The following SAMSN1 variants were observed in gnomAD, a reference collection of about 807,000 sequenced individuals.
The protein encoded by SAMSN1 is SAM domain-containing protein SAMSN-1.
Under a neutral mutation model 42.0 loss-of-function variants are expected in SAMSN1, and 31 were observed. That is an observed-to-expected ratio of 0.74 (90% CI 0.55 to 1.00). SAMSN1 has a LOEUF of 1.00. Among genes scored for constraint, SAMSN1 ranks in the 50% least tolerant of loss-of-function variants. SAMSN1 has a pLI of 0.00. For synonymous variants in SAMSN1, 178 were observed against 151.9 expected (o/e 1.17, Z -1.26); for missense variants, 464 against 439.4 (o/e 1.06, Z -0.50).
At chr21:14,533,343 A>G (rs1979390135) in intron 1 of SAMSN1, among the ~76,000 whole-genome samples, 1 of 152,212 alleles carries the variant, frequency 6.6e-6, no homozygotes, top group African/African-American at 2.4e-5. Context: ...CCATATCACT[A>G]TGTAGATTTT....
At chr21:14,622,003 C>T (rs1983024537) in intron 2 of SAMSN1, among the ~76,000 whole-genome samples, 1 of 152,248 alleles carries the variant, frequency 6.6e-6, no homozygotes, top group Non-Finnish European at 1.5e-5. Flanking sequence ...TGCTAATACC[C>T]AGGCAAACAG....
At chr21:14,490,421 A>G (rs1313727941) in intron 7 of SAMSN1, among the ~76,000 whole-genome samples, 5 of 152,162 alleles carry the variant, frequency 3.3e-5, no homozygotes. Flanking sequence ...TCAAAACCTC[A>G]GTCTCAAGTT....
chr21:14,560,156 C>A (rs1980899927), intron 2 of SAMSN1, among the ~76,000 whole-genome samples: 3 of 151,956 alleles, frequency 2.0e-5, no homozygotes, highest in African/African-American at 7.3e-5. Flanking sequence ...TGTTAATTTG[C>A]CTGGAGAAGT....
At chr21:14,638,157 G>A (rs921951826) in intron 2 of SAMSN1, among the ~76,000 whole-genome samples, 4 of 152,114 alleles carry the variant, frequency 2.6e-5, no homozygotes, top group East Asian at 3.8e-4. Flanking sequence ...CAGATTATAC[G>A]AATCCTTGTG....
chr21:14,599,479 T>C (rs981083418), intron 6 of SAMSN1, among the ~76,000 whole-genome samples: 5 of 152,170 alleles, frequency 3.3e-5, no homozygotes, highest in African/African-American at 1.2e-4. Context: ...TAAACCTCTT[T>C]CCTTTATAAA....
upstream of SAMSN1, among the ~76,000 whole-genome samples, chr21:14,549,428 T>C (rs1370557360): frequency 6.6e-6 from 1 of 152,150 alleles, no homozygotes; most frequent in Non-Finnish European, 1.5e-5. Context: ...GTAGATTCTC[T>C]GCATTGCTCT....
At chr21:14,631,016 G>A (rs1420568460) in intron 2 of SAMSN1, among the ~76,000 whole-genome samples, 4 of 152,134 alleles carry the variant, frequency 2.6e-5, no homozygotes, top group African/African-American at 9.7e-5. Context: ...ACCTTTCAAT[G>A]TGTCCATTTA....
At chr21:14,517,745 ACT>A (rs902409132) in intron 2 of SAMSN1, among the ~76,000 whole-genome samples, 4 of 152,206 alleles carry the variant, frequency 2.6e-5, no homozygotes, top group South Asian at 4.1e-4. Flanking sequence ...AGAATAAAAC[ACT>A]CTGTTCACAG....
chr21:14,534,694 C>T (rs1265950583), intron 1 of SAMSN1, among the ~76,000 whole-genome samples: 2 of 152,006 alleles, frequency 1.3e-5, no homozygotes, highest in Non-Finnish European at 2.9e-5. Context: ...ATTAAATGGA[C>T]ATGTACTACC....
chr21:14,582,504 A>G, intron 1 of SAMSN1: 1 of 901,118 alleles, frequency 1.1e-6, no homozygotes, highest in Non-Finnish European at 1.7e-6. Flanking sequence ...TGACAAAGAA[A>G]TAGGTTAAAA....
At chr21:14,534,136 C>T (rs1023469885) in intron 1 of SAMSN1, among the ~76,000 whole-genome samples, 2 of 152,170 alleles carry the variant, frequency 1.3e-5, no homozygotes, top group African/African-American at 4.8e-5. Flanking sequence ...TTATCAGTGA[C>T]GCATTTACAA....
intron 2 of SAMSN1, among the ~76,000 whole-genome samples, chr21:14,556,741 A>G (rs1412935495): frequency 6.6e-6 from 1 of 152,206 alleles, no homozygotes; most frequent in Non-Finnish European, 1.5e-5. Context: ...TGCATGTGTT[A>G]TTTGTGGGAA....
intron 2 of SAMSN1, among the ~76,000 whole-genome samples, chr21:14,616,852 C>T (rs1982850771): frequency 6.6e-6 from 1 of 152,036 alleles, no homozygotes; most frequent in African/African-American, 2.4e-5. Flanking sequence ...TGAATGGAAA[C>T]CAGAAAAAGG....
chr21:14,644,694 G>T (rs760026696), intron 1 of SAMSN1, among the ~76,000 whole-genome samples: 11 of 152,086 alleles, frequency 7.2e-5, no homozygotes, highest in Non-Finnish European at 1.6e-4. Context: ...CAGCCACATG[G>T]GGGTAGAGCA....
intron 3 of SAMSN1, among the ~76,000 whole-genome samples, chr21:14,615,320 G>GA (rs11401268): frequency 0.67 from 100,975 of 150,378 alleles, 34,146 homozygotes; most frequent in African/African-American, 0.75. Flanking sequence ...GAATAAAAAA[G>GA]AAAAAAAAAG....
chr21:14,577,257 TA>T (rs1981515538), intron 2 of SAMSN1, among the ~76,000 whole-genome samples: 5 of 42,960 alleles, frequency 1.2e-4, no homozygotes, highest in Non-Finnish European at 1.7e-4. Flanking sequence ...TATATATATA[TA>T]TATATATATA....
intron 1 of SAMSN1, among the ~76,000 whole-genome samples, chr21:14,541,146 G>C (rs1979998014): frequency 7.3e-6 from 1 of 136,450 alleles, no homozygotes. Flanking sequence ...TTGGGGGAGG[G>C]GGGAGGGATA....
rs1029907810 is a variant in SAMSN1, at chr21:14,531,370, G to A, written c.58-10149C>T. 1.9e-4 allele frequency among the ~76,000 whole-genome samples: 29 copies of A among 152,040 alleles called. No homozygotes were observed. The East Asian group carries it at 4.8e-3, about 25-fold the overall frequency. ...ATTAAAAGTATAAAAGAGAAATTAT[G>A]TCTATTCAATTTTATCATCAAAGGA... On this transcript the variant is annotated intron_variant, in intron 1 of 7. Transcript: ENST00000400566.
chr21:14,645,313 C>T (rs1568842288), intron 1 of SAMSN1, among the ~76,000 whole-genome samples: 1 of 152,214 alleles, frequency 6.6e-6, no homozygotes, highest in Non-Finnish European at 1.5e-5. Flanking sequence ...TAACTCATAA[C>T]ACAGAGAGAG....
Sources: gnomAD v4.1 joint callset for allele counts (sites outside exome capture counted in the v4.1 genomes callset) on GRCh38, gnomAD v4.1.1 for gene constraint, MANE v1.5 for transcripts, NCBI Gene and HGNC (gene_info 2026-07-23, HGNC 2026-07-21) for gene names.